Variants in DDX43 observed in about 807,000 individuals in gnomAD.
DDX43 encodes DEAD-box helicase 43.
A neutral mutation model predicts 84.9 loss-of-function variants in DDX43; 50 were observed. The observed-to-expected ratio is 0.59, with a 90% confidence interval of 0.47 to 0.75. DDX43 has a LOEUF of 0.75. Ranked by LOEUF, DDX43 falls within the 30% of genes least tolerant of loss-of-function variation. The pLI is 0.00. For missense variants in DDX43, 689 were observed against 798.6 expected (o/e 0.86, Z 1.65); for synonymous variants, 291 against 266.3 (o/e 1.09, Z -0.90).
At chr6:73,413,831 T>C in intron 12 of DDX43, 46 bp downstream of exon 12, 3 of 1,583,500 alleles carry the variant, frequency 1.9e-6, no homozygotes, top group Non-Finnish European at 2.6e-6. Flanking sequence ...TTAAATTGAT[T>C]AGGATCATTT....
chr6:73,416,092 C>T (rs780287044), intron 15 of DDX43, 21 bp from the exon 16 acceptor site: 4 of 1,253,314 alleles, frequency 3.2e-6, no homozygotes, highest in South Asian at 2.4e-5. Context: ...ATCCTAATAA[C>T]AACACGTTGA....
chr6:73,409,174 C>A, intron 9 of DDX43, 74 bp from the exon 10 acceptor site: 1 of 1,095,574 alleles, frequency 9.1e-7, no homozygotes, highest in Non-Finnish European at 1.4e-6. Flanking sequence ...TAGTGTTCTA[C>A]TAATAAAGAA....
Position 73,401,840 on chromosome 6 carries a change from A to G in DDX43, c.437-19A>G. 2 of 1,588,874 alleles carry G rather than the reference A, an allele frequency of 1.3e-6. No homozygotes were observed. The highest frequency in any genetic ancestry group is 1.7e-6 in the Non-Finnish European group (2 of 1,170,662). On this transcript the variant is annotated intron_variant, in intron 3 of 16. Coordinates refer to ENST00000370336, the MANE Select transcript of DDX43 (RefSeq NM_018665.3). ...AAAAAAAATAGAAAAAAACTAATCG[A>G]TACAAATGTTTTTAACAGATACTGC...
chr6:73,407,407 C>A, intron 7 of DDX43, 98 bp from the exon 8 acceptor site: 2 of 825,506 alleles, frequency 2.4e-6, no homozygotes, highest in Non-Finnish European at 4.0e-6. Flanking sequence ...GCGTGAGCCA[C>A]CACGTCTGGC....
intron 7 of DDX43, 66 bp from the exon 8 acceptor site, chr6:73,407,439 G>A: frequency 9.0e-7 from 1 of 1,112,038 alleles, no homozygotes; most frequent in Non-Finnish European, 1.4e-6. Context: ...AATCTTGATG[G>A]TACTGAATAA....
In DDX43 at chr6:73,413,869, G is replaced by T. The variant is rs142139898; in HGVS notation, c.1496+84G>T. ...ATTTGTATACTAATTCCAAATGGGG[G>T]TGATAAGTCTGTTATGTTACTTTAG... On this transcript the variant is annotated intron_variant, in intron 12 of 16. Transcript: ENST00000370336. The T allele has an allele frequency of 3.0e-5, 46 of 1,530,572 alleles. No individual in the cohort carries two copies. The East Asian group carries it at 1.0e-3, about 34-fold the overall frequency. The allele number at this position is 1,530,572 out of a possible 1,614,324, so 94.8% of individuals were successfully genotyped here.
rs762508691 is a variant in DDX43, at chr6:73,395,135, A to G, written c.230A>G (p.His77Arg). ...CCGCTGTGTTTTGCTTTGAAGAGCCACTTTGTTGGCGCGGTAATCGGTGAG... is the reference window on the plus strand; with the variant it reads ...CCGCTGTGTTTTGCTTTGAAGAGCCGCTTTGTTGGCGCGGTAATCGGTGAG... ...ELPLCFALKSHFVGAVIGRGG... is the reference protein window; with the variant it reads ...ELPLCFALKSRFVGAVIGRGG... Residue 77 changes from histidine (H) to arginine (R), a missense_variant, in exon 1 of 17, where the codon CAC becomes CGC. By Grantham distance (29) the His-to-Arg change is conservative. Coordinates refer to ENST00000370336, the MANE Select transcript of DDX43 (RefSeq NM_018665.3). 1.9e-6 allele frequency: 3 copies of G among 1,613,492 alleles called. No individual in the cohort carries two copies. In the South Asian group the frequency reaches 3.3e-5, roughly 18 times the overall value.
chr6:73,399,077 C>T (rs1174665734), intron 2 of DDX43, among the ~76,000 whole-genome samples: 2 of 152,114 alleles, frequency 1.3e-5, no homozygotes, highest in Non-Finnish European at 2.9e-5. Flanking sequence ...TCCAGAGTAG[C>T]TGGGATTACA....
Sources: allele counts gnomAD v4.1 joint callset (sites outside exome capture counted in the v4.1 genomes callset), GRCh38; gene constraint gnomAD v4.1.1; transcripts MANE v1.5; gene names NCBI Gene and HGNC (gene_info 2026-07-23, HGNC 2026-07-21).